Variants in CMTR1 observed in about 807,000 individuals in gnomAD.
CMTR1 encodes the protein cap-specific mRNA (nucleoside-2'-O-)-methyltransferase 1.
A neutral mutation model predicts 107.0 loss-of-function variants in CMTR1; 39 were observed. The ratio of observed to expected loss-of-function variants is 0.36; its 90% confidence interval spans 0.28 to 0.48. CMTR1 has a LOEUF of 0.48. CMTR1 is among the 20% of genes least tolerant of loss of function. The probability of loss-of-function intolerance (pLI) is 0.99; values close to 1 mark genes in which losing one functional copy is unlikely to be tolerated. For missense variants in CMTR1, 672 were observed against 1,064.9 expected (o/e 0.63, Z 5.14); for synonymous variants, 366 against 379.5 (o/e 0.96, Z 0.41).
chr6:37,474,040 C>G (rs1047101088), intron 17 of CMTR1, among the ~76,000 whole-genome samples: 1 of 152,214 alleles, frequency 6.6e-6, no homozygotes, highest in Non-Finnish European at 1.5e-5. Flanking sequence ...TTGGCAAGCT[C>G]TTTATCTTAC....
At chr6:37,474,024 A>G (rs1343641567) in intron 17 of CMTR1, among the ~76,000 whole-genome samples, 1 of 152,186 alleles carries the variant, frequency 6.6e-6, no homozygotes, top group African/African-American at 2.4e-5. Context: ...GAGGTGAGGG[A>G]AAGCCTTGGC....
At chr6:37,449,296 A>ATGTTATGTTATGTTATGTTC in intron 4 of CMTR1, among the ~76,000 whole-genome samples, 1 of 151,326 alleles carries the variant, frequency 6.6e-6, no homozygotes, top group Non-Finnish European at 1.5e-5. Context: ...ATGTTATGTT[A>ATGTTATGTTATGTTATGTTC]TGTTATGTTA....
upstream of CMTR1, among the ~76,000 whole-genome samples, chr6:37,432,416 G>C (rs1159811430): frequency 6.6e-6 from 1 of 152,250 alleles, no homozygotes; most frequent in Non-Finnish European, 1.5e-5. Context: ...ACTGGAGACA[G>C]TCACGGGAGT....
chr6:37,444,862 T>C (rs1025801807), intron 3 of CMTR1, among the ~76,000 whole-genome samples: 2 of 151,908 alleles, frequency 1.3e-5, no homozygotes, highest in Non-Finnish European at 2.9e-5. Context: ...CCGTCTCTAC[T>C]AAAAATACAA....
At chr6:37,478,388 G>A (rs899878730) in intron 21 of CMTR1, 21 bp from the exon 22 acceptor site, 13 of 1,593,114 alleles carry the variant, frequency 8.2e-6, no homozygotes, top group Middle Eastern at 1.7e-4. Context: ...TCTCATGCAC[G>A]TACCTTCTCG....
upstream of CMTR1, among the ~76,000 whole-genome samples, chr6:37,429,676 C>T (rs1026006902): frequency 4.6e-5 from 7 of 152,172 alleles, no homozygotes; most frequent in African/African-American, 1.7e-4. Context: ...GACTCAGATA[C>T]TTGTTACAAG....
At chr6:37,459,530 G>C (rs755018501) in intron 9 of CMTR1, 36 bp from the exon 10 acceptor site, 1 of 1,561,292 alleles carries the variant, frequency 6.4e-7, no homozygotes, top group Non-Finnish European at 8.8e-7. Flanking sequence ...CATGTATAGG[G>C]CAGATGAACT....
chr6:37,435,184 C>T (rs1362087031), intron 1 of CMTR1, among the ~76,000 whole-genome samples: 1 of 152,134 alleles, frequency 6.6e-6, no homozygotes, highest in Admixed American at 6.5e-5. Context: ...GCTGATGAAA[C>T]AGTCATTCTG....
At chr6:37,455,375 A>G (rs1451123782) in intron 8 of CMTR1, among the ~76,000 whole-genome samples, 2 of 152,308 alleles carry the variant, frequency 1.3e-5, no homozygotes, top group African/African-American at 4.8e-5. Flanking sequence ...TACCGCGCCC[A>G]GCCAACTCTG....
intron 13 of CMTR1, among the ~76,000 whole-genome samples, chr6:37,464,931 C>CGTGTGT: frequency 6.6e-6 from 1 of 151,274 alleles, no homozygotes; most frequent in East Asian, 1.9e-4. Context: ...TGTGTGTGTA[C>CGTGTGT]AGACAAACAA....
intron 11 of CMTR1, 111 bp from the exon 12 acceptor site, chr6:37,461,859 C>A: frequency 1.6e-6 from 2 of 1,247,606 alleles, no homozygotes; most frequent in Non-Finnish European, 2.3e-6. Flanking sequence ...TGAGTTTTAA[C>A]AGACCCAGGT....
chr6:37,436,136 C>T (rs1011766701), intron 2 of CMTR1, among the ~76,000 whole-genome samples: 5 of 152,164 alleles, frequency 3.3e-5, no homozygotes, highest in Admixed American at 6.5e-5. Context: ...TTGCTGCGGC[C>T]GTCGAGCCTA....
At chr6:37,440,808 G>T (rs957804531) in intron 2 of CMTR1, among the ~76,000 whole-genome samples, 1 of 152,182 alleles carries the variant, frequency 6.6e-6, no homozygotes, top group African/African-American at 2.4e-5. Context: ...CTCTCTTTGA[G>T]ATCTTAGGGT....
At chr6:37,449,500 G>A (rs1771887306) in intron 4 of CMTR1, among the ~76,000 whole-genome samples, 1 of 151,994 alleles carries the variant, frequency 6.6e-6, no homozygotes, top group Non-Finnish European at 1.5e-5. Flanking sequence ...GTAGAGACGG[G>A]GTTTCACCAT....
At chr6:37,468,775 C>T (rs1011597357) in intron 13 of CMTR1, among the ~76,000 whole-genome samples, 4 of 151,904 alleles carry the variant, frequency 2.6e-5, no homozygotes, top group South Asian at 4.1e-4. Context: ...CCCAGCTACT[C>T]GGGAGGCTGA....
chr6:37,444,295 A>C (rs778879819), intron 3 of CMTR1, 145 bp downstream of exon 3: 67 of 949,456 alleles, frequency 7.1e-5, no homozygotes, highest in Non-Finnish European at 1.0e-4. Context: ...AGTGTGACCC[A>C]CTTCTTGATA....
chr6:37,464,326 G>C (rs1000666800), intron 13 of CMTR1, among the ~76,000 whole-genome samples: 5 of 152,094 alleles, frequency 3.3e-5, no homozygotes, highest in Admixed American at 3.3e-4. Flanking sequence ...AATTAGCCAG[G>C]CGTGGTGGCG....
chr6:37,459,013 C>T (rs1761351635), intron 9 of CMTR1, among the ~76,000 whole-genome samples: 1 of 152,258 alleles, frequency 6.6e-6, no homozygotes, highest in Non-Finnish European at 1.5e-5. Context: ...CAAACACTCC[C>T]TCAGCAGATT....
intron 2 of CMTR1, 118 bp from the exon 3 acceptor site, chr6:37,443,881 A>G: frequency 1.8e-6 from 2 of 1,131,378 alleles, no homozygotes; most frequent in Non-Finnish European, 2.4e-6. Context: ...TGGGTCATTT[A>G]ATGAACTTTA....
Sources: allele counts gnomAD v4.1 joint callset (sites outside exome capture counted in the v4.1 genomes callset), GRCh38; gene constraint gnomAD v4.1.1; transcripts MANE v1.5; gene names NCBI Gene and HGNC (gene_info 2026-07-23, HGNC 2026-07-21).